The following CSE1L variants were observed in gnomAD, a reference collection of about 807,000 sequenced individuals.
The protein encoded by CSE1L is exportin-2.
CSE1L carries 24 observed loss-of-function variants against 120.4 expected under a neutral mutation model. The observed-to-expected ratio is 0.20, with a 90% CI of 0.14 to 0.28. The LOEUF (loss-of-function observed/expected upper bound fraction) is 0.28, where lower values mean the gene tolerates loss of function less well. Ranked by LOEUF, CSE1L falls within the 10% of genes least tolerant of loss-of-function variation. The probability of loss-of-function intolerance (pLI) is 1.00; values close to 1 mark genes in which losing one functional copy is unlikely to be tolerated. For missense variants in CSE1L, 830 were observed against 1,145.2 expected (o/e 0.72, Z 3.97); for synonymous variants, 402 against 398.3 (o/e 1.01, Z -0.11).
chr20:49,085,557 CAAT>C (rs2092048988), intron 16 of CSE1L, among the ~76,000 whole-genome samples, 171 bp downstream of exon 16: 1 of 88,964 alleles, frequency 1.1e-5, no homozygotes, highest in African/African-American at 4.2e-5. Flanking sequence ...TTACTACTAA[CAAT>C]AATTTTTTTT....
chr20:49,087,900 C>A, intron 16 of CSE1L, 109 bp from the exon 17 acceptor site: 1 of 651,696 alleles, frequency 1.5e-6, no homozygotes, highest in Non-Finnish European at 2.6e-6. Flanking sequence ...GTTGTCTAAG[C>A]ATCTTAAAAT....
intron 23 of CSE1L, 34 bp downstream of exon 23, chr20:49,094,320 C>A (rs1413107314): frequency 5.6e-6 from 9 of 1,594,078 alleles, no homozygotes; most frequent in Admixed American, 1.8e-5. Flanking sequence ...TTGTAAGTTA[C>A]AGCTTCCTTC....
intron 3 of CSE1L, 73 bp from the exon 4 acceptor site, chr20:49,066,119 A>G (rs1365743368): frequency 8.0e-7 from 1 of 1,249,908 alleles, no homozygotes; most frequent in Non-Finnish European, 1.1e-6. Flanking sequence ...AAAAACAGTT[A>G]TGTTTTACCT....
intron 11 of CSE1L, 81 bp from the exon 12 acceptor site, chr20:49,075,237 C>A: frequency 8.7e-7 from 1 of 1,146,508 alleles, no homozygotes; most frequent in Non-Finnish European, 1.3e-6. Flanking sequence ...TTATTCCAGG[C>A]AATTTGTTTT....
chr20:49,074,070 G>A (rs1184975544), intron 10 of CSE1L, among the ~76,000 whole-genome samples: 2 of 151,874 alleles, frequency 1.3e-5, no homozygotes, highest in East Asian at 3.9e-4. Context: ...AATTAGTTGG[G>A]TATGGTGGCA....
In CSE1L at chr20:49,089,768, C is replaced by T. The variant is rs6125541; in HGVS notation, c.2181+22C>T. ...AATTGTGCGTCAGGTTTTGATATAA[C>T]TGTAATTTTATAAAGTAGCTTGGAG... is the stretch of plus-strand genomic sequence containing the variant. On this transcript the variant is annotated intron_variant, in intron 19 of 24. Transcript: ENST00000262982. The T allele has an allele frequency of 9.5e-4, 1,526 of 1,605,944 alleles. 15 individuals are homozygous for T. The East Asian group carries it at 0.026, about 27-fold the overall frequency.
rs1430725843 is a variant in CSE1L, at chr20:49,090,965, A to G, written c.2308A>G (p.Ile770Val). 1 of 1,611,740 alleles carries G rather than the reference A, an allele frequency of 6.2e-7. No individual in the cohort carries two copies. The highest frequency in any genetic ancestry group is 1.1e-5 in the South Asian group (1 of 90,686). Residue 770 changes from isoleucine to valine, a missense_variant, in exon 21 of 25, where the codon ATC becomes GTC. Around this residue, in one of 4 missense-constraint regions of CSE1L, gnomAD observed 168 missense variants for 267.9 expected, o/e 0.63. Coordinates refer to ENST00000262982, the MANE Select transcript of CSE1L (RefSeq NM_001316.4). ...PESVDQYRKQ[I>V]FILLFQRLQN... Reference sequence around the variant, plus strand: ...ATCAGTTGACCAATATAGGAAACAAATCTTCATTCTGCTATTCCAGAGACT... The same window carrying G: ...ATCAGTTGACCAATATAGGAAACAAGTCTTCATTCTGCTATTCCAGAGACT...
chr20:49,083,436 T>C (rs942951528), intron 14 of CSE1L, among the ~76,000 whole-genome samples: 8 of 152,146 alleles, frequency 5.3e-5, no homozygotes, highest in South Asian at 4.1e-4. Context: ...TTTTATTTAA[T>C]TTTTTCTTAA....
At chr20:49,078,660 C>T (rs2091987669) in intron 14 of CSE1L, 38 bp downstream of exon 14, 9 of 1,384,562 alleles carry the variant, frequency 6.5e-6, no homozygotes, top group Admixed American at 2.3e-5. Flanking sequence ...CACTTAATCT[C>T]TTTAAGAGTT....
At position 49,075,224 on chromosome 20, in the gene CSE1L, A is replaced by G. The variant is rs546031895; in HGVS notation, c.1133-94A>G. On this transcript the variant is annotated intron_variant, in intron 11 of 24. Coordinates refer to ENST00000262982, the MANE Select transcript of CSE1L (RefSeq NM_001316.4). ...TTTTTTCCGTTTTACAATCGTAGCCAAATTATTCCAGGCAATTTGTTTTCT... is the reference window on the plus strand; with the variant it reads ...TTTTTTCCGTTTTACAATCGTAGCCGAATTATTCCAGGCAATTTGTTTTCT... The G allele has an allele frequency of 1.9e-5, 20 of 1,057,258 alleles. No individual in the cohort carries two copies. The African/African-American group carries it at 3.1e-4, about 16-fold the overall frequency. 65.5% of individuals were successfully genotyped at this position (1,057,258 alleles called of 1,614,324 possible). A position where few individuals can be genotyped will look rare whatever the true frequency, so the allele number is the denominator to read the frequency against.
chr20:49,073,874 C>T (rs1395813646), intron 10 of CSE1L, among the ~76,000 whole-genome samples: 1 of 152,020 alleles, frequency 6.6e-6, no homozygotes, highest in African/African-American at 2.4e-5. Context: ...GACAATATAG[C>T]GTGAGATTTT....
rs758801037 is a variant in CSE1L at position 49,070,269 on chromosome 20, C to T, written c.740C>T (p.Thr247Ile). ...ATGAATAATTTTCATACTCTCTTAACATTGGATAATAAGCTTTTACAAACT... is the reference window on the plus strand; with the variant it reads ...ATGAATAATTTTCATACTCTCTTAATATTGGATAATAAGCTTTTACAAACT... ...TWMNNFHTLL[T>I]LDNKLLQTDD... The change falls in exon 8 of 25, where the codon ACA becomes ATA. Residue 247 changes from threonine to isoleucine, a missense_variant. This residue lies in a region of CSE1L where 543 missense variants were observed against 640.2 expected (regional missense o/e 0.85). Coordinates refer to ENST00000262982, the MANE Select transcript of CSE1L (RefSeq NM_001316.4). 9.7e-6 allele frequency: 14 copies of T among 1,445,942 alleles called. No individual in the cohort carries two copies. Among genetic ancestry groups the T allele is most frequent in the Non-Finnish European group, 1.3e-5 (14 of 1,048,062 alleles). The allele number at this position is 1,445,942 out of a possible 1,614,324, so 89.6% of individuals were successfully genotyped here.
chr20:49,053,927 C>T (rs1436218339), intron 1 of CSE1L, among the ~76,000 whole-genome samples: 1 of 151,882 alleles, frequency 6.6e-6, no homozygotes. Context: ...TGGGCTCAAG[C>T]GATCGTCTGC....
At chr20:49,096,051 T>C in intron 24 of CSE1L, 2 of 514,222 alleles carry the variant, frequency 3.9e-6, no homozygotes. Context: ...GAGCAAGTCT[T>C]AGACATCATA....
chr20:49,048,651 A>G (rs1379415993), intron 1 of CSE1L, among the ~76,000 whole-genome samples: 1 of 152,174 alleles, frequency 6.6e-6, no homozygotes, highest in Non-Finnish European at 1.5e-5. Context: ...TATTTAAGGA[A>G]TATCTTAGGT....
At chr20:49,062,517 A>T (rs186917526) in intron 2 of CSE1L, among the ~76,000 whole-genome samples, 19 of 152,246 alleles carry the variant, frequency 1.2e-4, no homozygotes, top group Non-Finnish European at 2.1e-4. Flanking sequence ...GGATAAATTC[A>T]TTGCTGGTAT....
chr20:49,092,151 T>TA (rs1324044218), intron 22 of CSE1L, 24 bp downstream of exon 22: 3 of 1,370,966 alleles, frequency 2.2e-6, no homozygotes, highest in Admixed American at 4.3e-5. Context: ...TATTATTTTT[T>TA]AAAGGAAGAA....
Position 49,090,039 on chromosome 20 carries a change from C to T in CSE1L, c.2181+293C>T, listed in dbSNP as rs185837447. Reference sequence around the variant, plus strand: ...ACTTGGGAGGCTAAGGTGAGAGGGTCGCTTGAGCCCAGGAGTTTAAGGCTG... The same window carrying T: ...ACTTGGGAGGCTAAGGTGAGAGGGTTGCTTGAGCCCAGGAGTTTAAGGCTG... On this transcript the variant is annotated intron_variant, in intron 19 of 24. Transcript: ENST00000262982. 6.5e-4 allele frequency among the ~76,000 whole-genome samples: 99 copies of T among 152,078 alleles called. 5 individuals carry two copies. In the East Asian group the frequency reaches 0.014, roughly 22 times the overall value.
chr20:49,048,650 AAT>A (rs1433307737), intron 1 of CSE1L, among the ~76,000 whole-genome samples: 1 of 152,160 alleles, frequency 6.6e-6, no homozygotes, highest in African/African-American at 2.4e-5. Context: ...ATATTTAAGG[AAT>A]ATCTTAGGTT....
Sources: gnomAD v4.1 joint callset for allele counts (sites outside exome capture counted in the v4.1 genomes callset) on GRCh38, gnomAD v4.1.1 for gene constraint, gnomAD v4.1.1 regional missense constraint, MANE v1.5 for transcripts, NCBI Gene and HGNC (gene_info 2026-07-23, HGNC 2026-07-21) for gene names.